Variants in SLC25A24 observed in about 807,000 individuals in gnomAD.
The protein encoded by SLC25A24 is mitochondrial adenyl nucleotide antiporter SLC25A24.
A neutral mutation model predicts 60.7 loss-of-function variants in SLC25A24; 49 were observed. The ratio of observed to expected loss-of-function variants is 0.81; its 90% CI spans 0.64 to 1.02. SLC25A24 has a LOEUF of 1.02. Ranked by LOEUF, SLC25A24 falls within the 50% of genes least tolerant of loss-of-function variation. The pLI is 0.00. For synonymous variants in SLC25A24, 202 were observed against 200.6 expected (o/e 1.01, Z -0.06); for missense variants, 564 against 586.3 (o/e 0.96, Z 0.39).
intron 4 of SLC25A24, among the ~76,000 whole-genome samples, chr1:108,160,286 G>A (rs1164361547): frequency 7.3e-5 from 11 of 150,174 alleles, no homozygotes; most frequent in East Asian, 2.0e-4. Context: ...ATGGGCGGCC[G>A]GGCAGAGACG....
chr1:108,148,183 T>C, intron 7 of SLC25A24, 96 bp downstream of exon 7: 1 of 814,552 alleles, frequency 1.2e-6, no homozygotes, highest in Non-Finnish European at 2.1e-6. Flanking sequence ...TGATAAATGC[T>C]TGTTTTAAAC....
At chr1:108,142,658 T>C (rs1571277683) in intron 8 of SLC25A24, among the ~76,000 whole-genome samples, 3 of 152,202 alleles carry the variant, frequency 2.0e-5, no homozygotes, top group African/African-American at 7.2e-5. Flanking sequence ...AAGGTGTTTC[T>C]GTTTGGAGTG....
At chr1:108,143,462 T>A (rs903773318) in intron 8 of SLC25A24, 81 bp downstream of exon 8, 8 of 1,173,876 alleles carry the variant, frequency 6.8e-6, no homozygotes, top group Non-Finnish European at 7.2e-6. Context: ...TTTTCTGGTA[T>A]ATATCTACTT....
At chr1:108,157,752 A>G in intron 4 of SLC25A24, 132 bp from the exon 5 acceptor site, 1 of 899,142 alleles carries the variant, frequency 1.1e-6, no homozygotes, top group Non-Finnish European at 1.7e-6. Context: ...TACTAAACCA[A>G]TTTGAGTACA....
At chr1:108,178,844 C>T (rs1316221109) in intron 3 of SLC25A24, among the ~76,000 whole-genome samples, 2 of 151,340 alleles carry the variant, frequency 1.3e-5, no homozygotes, top group Non-Finnish European at 2.9e-5. Context: ...AAATCAGTAA[C>T]AGAGGTGCTT....
Position 108,193,782 on chromosome 1 carries a change from G to A in SLC25A24, c.183+6174C>T, listed in dbSNP as rs1007035618. On this transcript the variant is annotated intron_variant, in intron 1 of 9. Coordinates refer to ENST00000565488, the MANE Select transcript of SLC25A24 (RefSeq NM_013386.5). ...TCCAGGGCAAGCCTATCCTTCAGCT[G>A]TTAGTGGCTGGATTGGAAAGATGAT... is the stretch of plus-strand genomic sequence containing the variant. 6.4e-5 allele frequency among the ~76,000 whole-genome samples: 9 copies of A among 139,854 alleles called. 2 individuals are homozygous for A. Among genetic ancestry groups the A allele is most frequent in the African/African-American group, 1.7e-4 (7 of 40,190 alleles). 91.7% of individuals were successfully genotyped at this position (139,854 alleles called of 152,430 possible). A position where few individuals can be genotyped will look rare whatever the true frequency, so the allele number is the denominator to read the frequency against.
intron 3 of SLC25A24, among the ~76,000 whole-genome samples, chr1:108,174,934 C>T (rs561667471): frequency 6.6e-6 from 1 of 152,322 alleles, no homozygotes; most frequent in South Asian, 2.1e-4. Flanking sequence ...CTCATTGTAT[C>T]TAGGAAGTAT....
chr1:108,144,197 G>T (rs1367149690), intron 7 of SLC25A24, among the ~76,000 whole-genome samples: 8 of 152,106 alleles, frequency 5.3e-5, no homozygotes, highest in Non-Finnish European at 1.0e-4. Context: ...AAAAAAAGCT[G>T]TATTAGCATG....
Position 108,200,288 on chromosome 1 carries a change from G to T in SLC25A24, c.-150C>A. The stretch of plus-strand genomic sequence containing the variant: ...GTCGGGGTTGCGGCTGCGGCGCGCA[G>T]GGCGCAGGGCGCAGGAGCGGAGACC... On this transcript the variant is annotated 5_prime_UTR_variant, in exon 1 of 10. It adds an upstream start codon to the 5' untranslated region. Coordinates refer to ENST00000565488, the MANE Select transcript of SLC25A24 (RefSeq NM_013386.5). 5.5e-6 allele frequency: 2 copies of T among 365,216 alleles called. No individual in the cohort carries two copies. The highest frequency in any genetic ancestry group is 8.3e-6 in the Non-Finnish European group (2 of 241,928). The allele number at this position is 365,216 out of a possible 1,614,324, so 22.6% of individuals were successfully genotyped here.
At chr1:108,190,153 G>A (rs1648298164) in intron 1 of SLC25A24, among the ~76,000 whole-genome samples, 1 of 152,138 alleles carries the variant, frequency 6.6e-6, no homozygotes, top group East Asian at 1.9e-4. Flanking sequence ...TCAAAGCCAG[G>A]CAGAGGAGTG....
intron 3 of SLC25A24, among the ~76,000 whole-genome samples, chr1:108,163,856 C>A (rs1680164983): frequency 6.6e-6 from 1 of 152,180 alleles, no homozygotes; most frequent in African/African-American, 2.4e-5. Context: ...GAGAGGGCAT[C>A]CCTGTCTTGT....
chr1:108,172,185 T>C (rs1019291863), intron 3 of SLC25A24, among the ~76,000 whole-genome samples: 1 of 152,192 alleles, frequency 6.6e-6, no homozygotes, highest in East Asian at 1.9e-4. Context: ...TCAGAGGGAA[T>C]GCCTGCTTCA....
At chr1:108,137,107 G>A (rs936786665) in intron 9 of SLC25A24, among the ~76,000 whole-genome samples, 1 of 152,022 alleles carries the variant, frequency 6.6e-6, no homozygotes, top group South Asian at 2.1e-4. Flanking sequence ...ATCTTGCAAG[G>A]TAAATGTTAT....
At chr1:108,194,760 T>C (rs1648441123) in intron 1 of SLC25A24, among the ~76,000 whole-genome samples, 1 of 152,202 alleles carries the variant, frequency 6.6e-6, no homozygotes, top group African/African-American at 2.4e-5. Flanking sequence ...ATATCCCCAG[T>C]TCATTAAACA....
rs1427852714 is a variant in SLC25A24 at position 108,160,044 on chromosome 1, G to A, written c.510+1138C>T. On this transcript the variant is annotated intron_variant, in intron 4 of 9. Coordinates refer to ENST00000565488, the MANE Select transcript of SLC25A24 (RefSeq NM_013386.5). ...TCCTCACTTCCCTGTAGGGGCGGCC[G>A]GGCAGAGGCACCCCTCACCTCCCGG... Among the ~76,000 whole-genome samples the A allele has an allele frequency of 3.9e-5, 6 of 151,976 alleles. No homozygotes were observed. The East Asian group carries it at 5.8e-4, about 15-fold the overall frequency.
chr1:108,190,092 G>A (rs2101645582), intron 1 of SLC25A24, among the ~76,000 whole-genome samples: 1 of 152,182 alleles, frequency 6.6e-6, no homozygotes, highest in Admixed American at 6.5e-5. Context: ...CTTGGCCCGA[G>A]TTTGCTATAG....
At chr1:108,143,512 T>C (rs1383384579) in intron 8 of SLC25A24, 31 bp downstream of exon 8, 2 of 1,580,312 alleles carry the variant, frequency 1.3e-6, no homozygotes, top group South Asian at 1.2e-5. Context: ...CTAACTGCAT[T>C]TTCCAATTCA....
intron 7 of SLC25A24, among the ~76,000 whole-genome samples, chr1:108,147,456 T>C (rs895758288): frequency 6.6e-6 from 1 of 152,238 alleles, no homozygotes; most frequent in African/African-American, 2.4e-5. Context: ...CCGCTATCTT[T>C]TGAATTTGTT....
intron 5 of SLC25A24, among the ~76,000 whole-genome samples, chr1:108,156,298 G>A (rs977757761): frequency 3.9e-5 from 6 of 152,330 alleles, no homozygotes; most frequent in African/African-American, 1.2e-4. Context: ...TATCAAACCT[G>A]AAGGTTGACT....
Sources: gnomAD v4.1 joint callset for allele counts (sites outside exome capture counted in the v4.1 genomes callset) on GRCh38, gnomAD v4.1.1 for gene constraint, MANE v1.5 for transcripts, NCBI Gene and HGNC (gene_info 2026-07-23, HGNC 2026-07-21) for gene names.